DRC12: variants seen among roughly 807,000 people sequenced by gnomAD.
The protein encoded by DRC12 is dynein regulatory complex subunit 12 homolog.
chr11:119,193,898 C>T, the DRC12 span: 27 of 1,550,770 alleles, frequency 1.7e-5, no homozygotes, highest in East Asian at 5.6e-4. Context: ...GTGAGCAGTC[C>T]CAGAGCCGCC....
chr11:119,192,708 G>A, the DRC12 span, among the ~76,000 whole-genome samples: 63 of 152,170 alleles, frequency 4.1e-4, no homozygotes, highest in African/African-American at 1.3e-3. Flanking sequence ...GTGCAATGGC[G>A]TGATCTCGGC....
At chr11:119,190,465 A>G in the DRC12 span, 3 of 1,613,912 alleles carry the variant, frequency 1.9e-6, no homozygotes, top group South Asian at 1.1e-5. The surrounding 1 kb of genome is among the most constrained non-coding windows in gnomAD (Gnocchi z 4.2). Flanking sequence ...GCAGACATCA[A>G]TATTTCAGAC....
chr11:119,190,812 G>A, the DRC12 span: 1 of 1,613,446 alleles, frequency 6.2e-7, no homozygotes. This position sits in a 1 kb window ranked among gnomAD's most constrained non-coding sequence, Gnocchi z 4.2. Context: ...CCTCTTCCCG[G>A]GCAGCTGCAG....
the DRC12 span, among the ~76,000 whole-genome samples, chr11:119,191,916 G>C: frequency 6.6e-6 from 1 of 151,528 alleles, no homozygotes; most frequent in African/African-American, 2.4e-5. Flanking sequence ...GATTAGGAAA[G>C]GAACCCAGAG....
At chr11:119,195,002 G>A in the DRC12 span, 1 of 1,549,752 alleles carries the variant, frequency 6.5e-7, no homozygotes, top group Non-Finnish European at 8.7e-7. Context: ...CACCTGCGGT[G>A]GCAAGTGGCA....
At chr11:119,193,097 T>C in the DRC12 span, 2 of 1,460,136 alleles carry the variant, frequency 1.4e-6, no homozygotes, top group Admixed American at 1.7e-5. Context: ...CCCTTCATGC[T>C]GGCCCTTGCT....
At chr11:119,190,875 T>A in the DRC12 span, 1 of 1,600,338 alleles carries the variant, frequency 6.2e-7, no homozygotes, top group Non-Finnish European at 8.5e-7. The surrounding 1 kb of genome is among the most constrained non-coding windows in gnomAD (Gnocchi z 4.2). Flanking sequence ...AGCAGGATGG[T>A]GACACTCTAT....
chr11:119,192,174 C>T, the DRC12 span, among the ~76,000 whole-genome samples: 1 of 152,078 alleles, frequency 6.6e-6, no homozygotes, highest in African/African-American at 2.4e-5. Flanking sequence ...TGGCATTTCA[C>T]CATACTGGCC....
chr11:119,194,951 C>A, the DRC12 span: 3 of 1,551,482 alleles, frequency 1.9e-6, no homozygotes, highest in Non-Finnish European at 2.6e-6. Flanking sequence ...GCTCCTTCTC[C>A]AGCACCACCA....
the DRC12 span, chr11:119,195,205 T>C: frequency 1.6e-6 from 1 of 629,328 alleles, no homozygotes; most frequent in East Asian, 2.7e-5. Context: ...ACAAATATAT[T>C]AGGAAGGCAC....
the DRC12 span, chr11:119,195,073 C>T: frequency 1.6e-6 from 2 of 1,282,890 alleles, no homozygotes; most frequent in Non-Finnish European, 1.1e-6. Flanking sequence ...ACCCCACACC[C>T]TGCACTTTTG....
At chr11:119,194,541 A>AAAAAAAAAAAAAAAAAAAAAG in the DRC12 span, among the ~76,000 whole-genome samples, 4 of 66,034 alleles carry the variant, frequency 6.1e-5, no homozygotes, top group East Asian at 6.1e-4. Flanking sequence ...AAAAAAAAAA[A>AAAAAAAAAAAAAAAAAAAAAG]AAAATAAATA....
the DRC12 span, among the ~76,000 whole-genome samples, chr11:119,194,510 T>C: frequency 5.3e-4 from 32 of 60,768 alleles, no homozygotes; most frequent in African/African-American, 2.4e-3. Context: ...CACAAGACTC[T>C]GTCTCAAAAA....
the DRC12 span, chr11:119,195,495 C>T: frequency 3.2e-5 from 49 of 1,549,938 alleles, 1 homozygote; most frequent in Admixed American, 6.7e-4. Flanking sequence ...CATCTCCTTG[C>T]TGTCCTGGGA....
At chr11:119,195,039 A>G in the DRC12 span, 6 of 1,483,172 alleles carry the variant, frequency 4.0e-6, no homozygotes, top group Non-Finnish European at 4.6e-6. Context: ...TGATCTCAGC[A>G]TTCCTCACTC....
At chr11:119,190,261 C>A in the DRC12 span, 3 of 1,612,296 alleles carry the variant, frequency 1.9e-6, no homozygotes, top group Non-Finnish European at 2.5e-6. The surrounding 1 kb of genome is among the most constrained non-coding windows in gnomAD (Gnocchi z 4.2). Context: ...CTATTGAGTT[C>A]TACATCAAGA....
the DRC12 span, chr11:119,193,081 G>T: frequency 7.5e-7 from 1 of 1,336,762 alleles, no homozygotes; most frequent in Non-Finnish European, 1.1e-6. Context: ...AGACTTTGAA[G>T]TCTACCCCTT....
the DRC12 span, chr11:119,190,587 G>A: frequency 2.6e-6 from 4 of 1,548,240 alleles, no homozygotes; most frequent in African/African-American, 1.4e-5. The surrounding 1 kb of genome is among the most constrained non-coding windows in gnomAD (Gnocchi z 4.2). Flanking sequence ...GATAGAGCAG[G>A]GCTCCCTTGG....
At chr11:119,195,239 G>T in the DRC12 span, 1 of 645,732 alleles carries the variant, frequency 1.5e-6, no homozygotes. Context: ...GCTTAAAGGA[G>T]AGCGTGGGTG....
Sources: gnomAD v4.1 joint callset for allele counts (sites outside exome capture counted in the v4.1 genomes callset) on GRCh38, gnomAD v4.1.1 for gene constraint, Gnocchi (gnomAD v3.1) non-coding constraint, MANE v1.5 for transcripts, NCBI Gene and HGNC (gene_info 2026-07-23, HGNC 2026-07-21) for gene names.